Variants in SOX5 observed in about 807,000 individuals in gnomAD.
SOX5 encodes the protein transcription factor SOX-5.
SOX5 carries 9 observed loss-of-function variants against 92.0 expected under a neutral mutation model. That is an observed-to-expected ratio of 0.10 (90% CI 0.06 to 0.17). SOX5 has a LOEUF of 0.17. Ranked by LOEUF, SOX5 falls within the 10% of genes least tolerant of loss-of-function variation. The pLI is 1.00. For synonymous variants in SOX5, 344 were observed against 336.3 expected (o/e 1.02, Z -0.25); for missense variants, 642 against 944.5 (o/e 0.68, Z 4.20).
At chr12:23,565,518 A>C (rs143726003) in intron 10 of SOX5, among the ~76,000 whole-genome samples, 70 of 152,296 alleles carry the variant, frequency 4.6e-4, no homozygotes, top group African/African-American at 1.6e-3. Context: ...ATGGCACTGA[A>C]TAAAAGCATG....
chr12:23,623,075 T>A (rs562110992), intron 8 of SOX5, among the ~76,000 whole-genome samples: 1 of 152,246 alleles, frequency 6.6e-6, no homozygotes, highest in East Asian at 1.9e-4. Context: ...GTAACAAAGT[T>A]GTGTTTGTGT....
At chr12:24,337,340 C>CTTT (rs201383125) in intron 2 of SOX5, among the ~76,000 whole-genome samples, 58 of 143,262 alleles carry the variant, frequency 4.0e-4, no homozygotes, top group South Asian at 2.0e-3. Flanking sequence ...TCTGATTTTT[C>CTTT]TTTTTTTTTT....
intron 1 of SOX5, among the ~76,000 whole-genome samples, chr12:24,434,432 C>T (rs147219755): frequency 1.5e-4 from 23 of 152,286 alleles, no homozygotes; most frequent in African/African-American, 5.5e-4. Context: ...GCTATTACTA[C>T]CACCAACTCC....
chr12:23,701,960 TA>T (rs973629848), intron 6 of SOX5, among the ~76,000 whole-genome samples: 2 of 152,100 alleles, frequency 1.3e-5, no homozygotes, highest in African/African-American at 4.8e-5. Context: ...TTCCATAGGC[TA>T]AAATGAACAC....
At chr12:23,634,129 A>G (rs1385983676) in intron 8 of SOX5, among the ~76,000 whole-genome samples, 1 of 152,120 alleles carries the variant, frequency 6.6e-6, no homozygotes, top group Non-Finnish European at 1.5e-5. Context: ...ACCATTAGCC[A>G]TGATAGTCTC....
At chr12:24,106,288 AT>A (rs1489419929) in intron 4 of SOX5, among the ~76,000 whole-genome samples, 9 of 152,180 alleles carry the variant, frequency 5.9e-5, no homozygotes. Context: ...AATAAGGTTG[AT>A]TACAAACAAG....
chr12:23,968,037 C>A (rs1324644625), intron 4 of SOX5, among the ~76,000 whole-genome samples: 1 of 152,156 alleles, frequency 6.6e-6, no homozygotes, highest in Non-Finnish European at 1.5e-5. Context: ...TTGCATCATT[C>A]TCATTATAAA....
rs1179919907 is a variant in SOX5, at chr12:23,536,459, T to C, written c.1982A>G (p.Asn661Ser). The part of the protein sequence containing the change: ...NRRQEMRQYF[N>S]VGQQAQIPIA... ...ATGACTAAAAGGTACATACCCAACA[T>C]TGAAGTACTGCCGCATTTCCTGCCG... Residue 661 changes from asparagine (N) to serine (S), a missense_variant, in exon 14 of 15, where the codon AAT becomes AGT. By Grantham distance (46) the Asn-to-Ser change is conservative. Coordinates refer to ENST00000451604, the MANE Select transcript of SOX5 (RefSeq NM_006940.6). The C allele has an allele frequency of 1.1e-5, 17 of 1,613,526 alleles. No homozygotes were observed. The highest frequency in any genetic ancestry group is 2.2e-5 in the South Asian group (2 of 91,074).
At chr12:24,087,083 A>G (rs760586922) in intron 4 of SOX5, among the ~76,000 whole-genome samples, 32 of 152,056 alleles carry the variant, frequency 2.1e-4, no homozygotes, top group Admixed American at 9.2e-4. Flanking sequence ...GGGCTCATGC[A>G]TATGTTTCTA....
intron 8 of SOX5, among the ~76,000 whole-genome samples, chr12:23,630,277 T>C (rs995801961): frequency 3.3e-5 from 5 of 151,926 alleles, no homozygotes; most frequent in Admixed American, 6.6e-5. Flanking sequence ...TTTACAGATA[T>C]AAATATTGTA....
At chr12:24,020,171 T>C (rs1404870451) in intron 4 of SOX5, among the ~76,000 whole-genome samples, 3 of 152,190 alleles carry the variant, frequency 2.0e-5, no homozygotes, top group African/African-American at 7.2e-5. Context: ...CCAAACTCTA[T>C]ACAATATGTA....
At chr12:23,870,454 C>T (rs1395391694) in intron 2 of SOX5, among the ~76,000 whole-genome samples, 1 of 152,142 alleles carries the variant, frequency 6.6e-6, no homozygotes, top group East Asian at 1.9e-4. Context: ...AACCTAGAGG[C>T]CTTTCAAATT....
rs543622509 is a variant in SOX5 at position 24,351,824 on chromosome 12, T to A, written c.-174+16739A>T. On this transcript the variant is annotated intron_variant, in intron 2 of 4. Coordinates refer to the SOX5 transcript ENST00000446891. Reference sequence around the variant, plus strand: ...ATATTGGAAATGAAGAATTATAGATTATTTGCACTTACTTTCTTTCAGTGG... The same window carrying A: ...ATATTGGAAATGAAGAATTATAGATAATTTGCACTTACTTTCTTTCAGTGG... Among the ~76,000 whole-genome samples, 4 of 152,354 alleles carry A rather than the reference T, an allele frequency of 2.6e-5. No homozygotes were observed. In the East Asian group the frequency reaches 7.7e-4, roughly 29 times the overall value.
At chr12:24,067,143 A>G (rs992872266) in intron 4 of SOX5, among the ~76,000 whole-genome samples, 7 of 152,200 alleles carry the variant, frequency 4.6e-5, no homozygotes, top group East Asian at 1.9e-4. Context: ...TATTGCTGCC[A>G]TTTGGTCAGT....
chr12:24,131,646 G>A lies in SOX5; in HGVS notation c.-2+81697C>T, dbSNP rs975351003. Among the ~76,000 whole-genome samples, 21 of 152,118 alleles carry A rather than the reference G, an allele frequency of 1.4e-4. 1 individual carries two copies. Among genetic ancestry groups the A allele is most frequent in the African/African-American group, 5.1e-4 (21 of 41,428 alleles). The stretch of plus-strand genomic sequence containing the variant: ...ATGCAGAAGATGAAAATGTACAACA[G>A]AAGTGAATATCAGGTGGATGATTTT... On this transcript the variant is annotated intron_variant, in intron 4 of 4. Transcript: ENST00000446891.
At chr12:23,975,990 C>T (rs1330825031) in intron 4 of SOX5, among the ~76,000 whole-genome samples, 1 of 151,952 alleles carries the variant, frequency 6.6e-6, no homozygotes, top group African/African-American at 2.4e-5. Flanking sequence ...TTCATTTTAG[C>T]TATTAAACAC....
chr12:23,586,368 A>G (rs1321075169), intron 9 of SOX5, among the ~76,000 whole-genome samples: 2 of 152,128 alleles, frequency 1.3e-5, no homozygotes, highest in Admixed American at 1.3e-4. Flanking sequence ...AGAAATCTAT[A>G]CACTAGAAGA....
intron 3 of SOX5, among the ~76,000 whole-genome samples, chr12:23,819,444 CT>C (rs1226074155): frequency 2.0e-5 from 3 of 151,926 alleles, no homozygotes; most frequent in Non-Finnish European, 4.4e-5. Context: ...TTTTTTTATT[CT>C]ACTGTAAGTT....
intron 3 of SOX5, among the ~76,000 whole-genome samples, chr12:23,797,718 A>G (rs1252539125): frequency 1.3e-5 from 2 of 152,080 alleles, no homozygotes; most frequent in Non-Finnish European, 2.9e-5. Context: ...TGGGCTGTAA[A>G]GACATTTCAT....
Sources: allele counts gnomAD v4.1 joint callset (sites outside exome capture counted in the v4.1 genomes callset), GRCh38; gene constraint gnomAD v4.1.1; transcripts MANE v1.5; gene names NCBI Gene and HGNC (gene_info 2026-07-23, HGNC 2026-07-21).